RXRA: variants seen among roughly 807,000 people sequenced by gnomAD.
The protein encoded by RXRA is retinoic acid receptor RXR-alpha.
A neutral mutation model predicts 44.5 loss-of-function variants in RXRA; 5 were observed. The ratio of observed to expected loss-of-function variants is 0.11; its 90% CI spans 0.06 to 0.24. The LOEUF (loss-of-function observed/expected upper bound fraction) is 0.24, where lower values mean the gene tolerates loss of function less well. Among genes scored for constraint, RXRA ranks in the 10% least tolerant of loss-of-function variants. RXRA has a pLI of 1.00. For missense variants in RXRA, 412 were observed against 646.5 expected, an observed-to-expected ratio of 0.64 and a Z score of 3.93; for synonymous variants, 291 against 271.4, an observed-to-expected ratio of 1.07 and a Z score of -0.71.
chr9:134,433,869 G>A lies in RXRA; in HGVS notation c.1136-233G>A, dbSNP rs548513502. On this transcript the variant is annotated intron_variant, in intron 8 of 9. Transcript: ENST00000481739. This position sits in a 1 kb window ranked among gnomAD's most constrained non-coding sequence, Gnocchi z 4.2. ...CCCAAGGTCACGTGGCTGGCAAGTGGCAGAGCTGAGCCTGGACCCAGAGCA... is the reference window on the plus strand; with the variant it reads ...CCCAAGGTCACGTGGCTGGCAAGTGACAGAGCTGAGCCTGGACCCAGAGCA... Among the ~76,000 whole-genome samples the A allele has an allele frequency of 6.6e-6, 1 of 152,322 alleles. No homozygotes were observed. Among genetic ancestry groups the A allele is most frequent in the Non-Finnish European group, 1.5e-5 (1 of 68,020 alleles).
intron 1 of RXRA, among the ~76,000 whole-genome samples, chr9:134,358,674 G>A (rs977007417): frequency 2.8e-5 from 4 of 143,820 alleles, no homozygotes; most frequent in Non-Finnish European, 6.2e-5. Flanking sequence ...TCCCCTCCCC[G>A]CCCCTCCCTG....
intron 1 of RXRA, among the ~76,000 whole-genome samples, chr9:134,334,773 C>A (rs1483707414): frequency 6.6e-6 from 1 of 152,342 alleles, no homozygotes; most frequent in Middle Eastern, 3.4e-3. Flanking sequence ...GGAAATGGCT[C>A]TATGCCCTCC....
rs1185221266 is a variant in RXRA, at chr9:134,426,434, A to G, written c.911-2674A>G. 1 of 985,316 alleles carries G rather than the reference A, an allele frequency of 1.0e-6. No individual in the cohort carries two copies. The highest frequency in any genetic ancestry group is 1.7e-5 in the African/African-American group (1 of 57,236). 61.0% of individuals were successfully genotyped at this position (985,316 alleles called of 1,614,324 possible). A position where few individuals can be genotyped will look rare whatever the true frequency, so the allele number is the denominator to read the frequency against. ...AGGTGTGTGGGGCAGGAGAGGAGAA[A>G]TAACCGAGTGAGGACATCGGGGTGG... On this transcript the variant is annotated intron_variant, in intron 6 of 9. Transcript: ENST00000481739. The surrounding 1 kb of genome is among the most constrained non-coding windows in gnomAD (Gnocchi z 4.6).
intron 1 of RXRA, among the ~76,000 whole-genome samples, chr9:134,369,015 G>T (rs188336201): frequency 8.0e-3 from 468 of 58,214 alleles, no homozygotes; most frequent in African/African-American, 0.017. Flanking sequence ...TGTGTGTGTG[G>T]GGGGGGTTAT....
chr9:134,395,140 G>A (rs1034280721), intron 1 of RXRA, among the ~76,000 whole-genome samples: 2 of 152,226 alleles, frequency 1.3e-5, no homozygotes, highest in African/African-American at 4.8e-5. Flanking sequence ...TCCCCTCTCA[G>A]TCCTGGCAGG....
intron 1 of RXRA, among the ~76,000 whole-genome samples, chr9:134,328,668 C>G (rs1381224719): frequency 1.3e-5 from 2 of 152,232 alleles, no homozygotes; most frequent in Non-Finnish European, 2.9e-5. Context: ...TTTCTAAGCC[C>G]TTTTGTCAAC....
intron 1 of RXRA, among the ~76,000 whole-genome samples, chr9:134,332,663 GTGTGC>G (rs1554746813): frequency 6.6e-6 from 1 of 152,178 alleles, no homozygotes; most frequent in Non-Finnish European, 1.5e-5. Flanking sequence ...GGTAGGGCCT[GTGTGC>G]CGGGCGTAGG....
At chr9:134,340,261 C>T (rs74596236) in intron 1 of RXRA, among the ~76,000 whole-genome samples, 13 of 152,090 alleles carry the variant, frequency 8.5e-5, no homozygotes, top group African/African-American at 2.4e-4. Flanking sequence ...CCTGAGGGCT[C>T]GGGGTCCAGG....
Position 134,401,864 on chromosome 9 carries a change from C to T in RXRA, c.261C>T (p.Phe87=). The change falls in exon 2 of 10, where the codon TTC becomes TTT. Residue 87 remains phenylalanine, a synonymous_variant. Transcript: ENST00000481739. ...MSVPTTPTLG[F]STGSPQLSSP... ...TGCCCACCACACCCACCCTGGGCTT[C>T]AGCACTGGCAGCCCCCAGGTGAGTG... 6.2e-7 allele frequency: 1 copy of T among 1,609,836 alleles called. No individual in the cohort carries two copies. Among genetic ancestry groups the T allele is most frequent in the Non-Finnish European group, 8.5e-7 (1 of 1,177,838 alleles).
chr9:134,407,490 C>T lies in RXRA; in HGVS notation c.280-659C>T, dbSNP rs1042305561. On this transcript the variant is annotated intron_variant, in intron 2 of 9. Transcript: ENST00000481739. The surrounding 1 kb of genome is among the most constrained non-coding windows in gnomAD (Gnocchi z 4.8). The stretch of plus-strand genomic sequence containing the variant: ...ACGCTGCAGCTGTTGCCAGGGTGAC[C>T]GGGTGAGTTTCCCACGCTTGCCCGG... Among the ~76,000 whole-genome samples the T allele has an allele frequency of 2.6e-5, 4 of 152,170 alleles. No homozygotes were observed. Among genetic ancestry groups the T allele is most frequent in the East Asian group, 1.9e-4 (1 of 5,178 alleles).
intron 8 of RXRA, 121 bp downstream of exon 8, chr9:134,432,117 T>G (rs1831542119): frequency 2.9e-6 from 2 of 684,136 alleles, no homozygotes; most frequent in Non-Finnish European, 5.1e-6. Flanking sequence ...CCACCCTCCT[T>G]GAGCTCAGTG....
chr9:134,393,467 G>A (rs1330222438), intron 1 of RXRA, among the ~76,000 whole-genome samples: 2 of 152,240 alleles, frequency 1.3e-5, no homozygotes, highest in Admixed American at 1.3e-4. Context: ...GTGCCCCTTA[G>A]CGCCTGGGGC....
Position 134,433,437 on chromosome 9 carries a change from G to A in RXRA, c.1136-665G>A, listed in dbSNP as rs569198520. 4.7e-5 allele frequency among the ~76,000 whole-genome samples: 7 copies of A among 150,210 alleles called. No homozygotes were observed. In the East Asian group the frequency reaches 7.8e-4, roughly 17 times the overall value. Reference sequence around the variant, plus strand: ...GGAGGGCGAGGAGACTGGCTGGAGCGGAGGCAGCTGGGGGAGCCAGGTACG... The same window carrying A: ...GGAGGGCGAGGAGACTGGCTGGAGCAGAGGCAGCTGGGGGAGCCAGGTACG... On this transcript the variant is annotated intron_variant, in intron 8 of 9. Transcript: ENST00000481739. The surrounding 1 kb of genome is among the most constrained non-coding windows in gnomAD (Gnocchi z 4.2).
At chr9:134,353,295 G>A (rs1446193284) in intron 1 of RXRA, among the ~76,000 whole-genome samples, 1 of 152,178 alleles carries the variant, frequency 6.6e-6, no homozygotes, top group Non-Finnish European at 1.5e-5. Context: ...TATCCCTGGT[G>A]TGCAGAGGTG....
intron 6 of RXRA, among the ~76,000 whole-genome samples, chr9:134,427,716 C>T (rs985699762): frequency 1.3e-5 from 2 of 152,192 alleles, no homozygotes; most frequent in African/African-American, 2.4e-5. Flanking sequence ...GTGTGGAGGG[C>T]CGAGCCGGAG....
chr9:134,421,774 C>T lies in RXRA; in HGVS notation c.879C>T (p.Pro293=), dbSNP rs148845336. 48 of 1,612,098 alleles carry T rather than the reference C, an allele frequency of 3.0e-5. No individual in the cohort carries two copies. In the Admixed American group the frequency reaches 5.5e-4, roughly 19 times the overall value. The change falls in exon 6 of 10, where the codon CCC becomes CCT. Residue 293 remains proline (P), a synonymous_variant. Transcript: ENST00000481739. ...AKRIPHFSEL[P]LDDQVILLRA... ...GGATCCCACACTTCTCAGAGCTGCC[C>T]CTGGACGACCAGGTCATCCTGCTGC...
chr9:134,380,593 G>A (rs1368409991), intron 1 of RXRA, among the ~76,000 whole-genome samples: 1 of 152,032 alleles, frequency 6.6e-6, no homozygotes, highest in African/African-American at 2.4e-5. Flanking sequence ...AAGGGTTGGT[G>A]ACCTAGTGCC....
intron 1 of RXRA, chr9:134,371,864 A>T (rs1414805979): frequency 6.6e-6 from 1 of 152,340 alleles, no homozygotes; most frequent in Non-Finnish European, 1.5e-5. Flanking sequence ...AGATGGCTGC[A>T]GCGCTTCCTG....
At chr9:134,408,692 C>T (rs1831097030) in intron 3 of RXRA, among the ~76,000 whole-genome samples, 3 of 152,238 alleles carry the variant, frequency 2.0e-5, no homozygotes, top group Admixed American at 2.0e-4. Flanking sequence ...AGACACAGAG[C>T]AGGTGACTTG....
Sources: allele counts gnomAD v4.1 joint callset (sites outside exome capture counted in the v4.1 genomes callset), GRCh38; gene constraint gnomAD v4.1.1; non-coding constraint Gnocchi (gnomAD v3.1); transcripts MANE v1.5; gene names NCBI Gene and HGNC (gene_info 2026-07-23, HGNC 2026-07-21).